Variants in STARD3 observed in about 807,000 individuals in gnomAD.
The protein encoded by STARD3 is StAR related lipid transfer domain containing 3, also known as stAR-related lipid transfer protein 3.
In STARD3, 39 loss-of-function variants were observed where a neutral mutation model predicts 62.0. The ratio of observed to expected loss-of-function variants is 0.63; its 90% confidence interval spans 0.49 to 0.82. STARD3 has a LOEUF of 0.82. STARD3 is among the 40% of genes least tolerant of loss of function. The pLI is 0.00. For missense variants in STARD3, 543 were observed against 584.5 expected (o/e 0.93, Z 0.73); for synonymous variants, 229 against 242.4 (o/e 0.94, Z 0.51).
intron 2 of STARD3, among the ~76,000 whole-genome samples, chr17:39,655,581 A>G (rs1052302411): frequency 6.6e-5 from 10 of 152,226 alleles, no homozygotes; most frequent in African/African-American, 2.4e-4. Flanking sequence ...GAGAAGATCT[A>G]ACTTACTAAT....
chr17:39,639,478 C>A (rs1011614995), intron 1 of STARD3, among the ~76,000 whole-genome samples: 2 of 152,130 alleles, frequency 1.3e-5, no homozygotes, highest in African/African-American at 4.8e-5. Flanking sequence ...GCCTATAAAG[C>A]GATGGGAGGA....
At position 39,659,052 on chromosome 17, in the gene STARD3, G is replaced by T; in HGVS notation, c.648G>T (p.Gly216=). Residue 216 remains glycine, a splice_region_variant and synonymous_variant, in exon 8 of 15, where the codon GGG becomes GGT. Coordinates refer to ENST00000336308, the MANE Select transcript of STARD3 (RefSeq NM_006804.4). ...QFYSPPESFA[G]SDNESDEEVA... is the part of the protein sequence containing the mutation. ...GTCATCTGTGCCTGTTTTCTGCAGG[G>T]TCTGACAATGAATCAGATGAAGAAG... 6.2e-7 allele frequency: 1 copy of T among 1,614,192 alleles called. No individual in the cohort carries two copies. Among genetic ancestry groups the T allele is most frequent in the African/African-American group, 1.3e-5 (1 of 75,038 alleles).
chr17:39,645,157 C>T (rs573203561), intron 1 of STARD3, among the ~76,000 whole-genome samples: 35 of 152,240 alleles, frequency 2.3e-4, no homozygotes, highest in African/African-American at 6.7e-4. Context: ...GCAGAGGGGC[C>T]GGTCTCAAGA....
At chr17:39,654,990 TA>T (rs748236933) in intron 2 of STARD3, among the ~76,000 whole-genome samples, 23 of 152,314 alleles carry the variant, frequency 1.5e-4, no homozygotes, top group Middle Eastern at 6.8e-3. Context: ...TGGATGGCCC[TA>T]GGGGCCATCT....
At chr17:39,658,195 T>A in intron 5 of STARD3, 169 bp downstream of exon 5, 1 of 895,090 alleles carries the variant, frequency 1.1e-6, no homozygotes, top group Non-Finnish European at 1.8e-6. Context: ...CCCGCTTCCC[T>A]GACTTAGCCC....
intron 1 of STARD3, among the ~76,000 whole-genome samples, chr17:39,641,124 C>A (rs1471829330): frequency 4.6e-5 from 7 of 151,312 alleles, no homozygotes; most frequent in Admixed American, 2.0e-4. Context: ...ACTTGGGAAC[C>A]TACTCCCAAG....
chr17:39,649,007 G>A (rs2057052713), intron 1 of STARD3, among the ~76,000 whole-genome samples: 1 of 152,168 alleles, frequency 6.6e-6, no homozygotes, highest in African/African-American at 2.4e-5. Context: ...GGACCAAGGA[G>A]GGAGGGAGGG....
intron 2 of STARD3, among the ~76,000 whole-genome samples, chr17:39,655,842 T>A (rs1307778725): frequency 6.6e-6 from 1 of 152,006 alleles, no homozygotes; most frequent in African/African-American, 2.4e-5. Flanking sequence ...AAGCAGGGGC[T>A]GAGACTTGGC....
At chr17:39,653,795 C>T (rs1284434220) in intron 2 of STARD3, 45 bp downstream of exon 2, 17 of 1,607,188 alleles carry the variant, frequency 1.1e-5, no homozygotes, top group Non-Finnish European at 1.4e-5. Context: ...TGCAGGCCAC[C>T]CGGGCCTCAG....
At chr17:39,653,042 A>C in intron 1 of STARD3, 1 of 174,958 alleles carries the variant, frequency 5.7e-6, no homozygotes, top group Non-Finnish European at 1.2e-5. Context: ...CTGGGAGGGA[A>C]TGTGGCTTTG....
chr17:39,659,998 C>A, intron 9 of STARD3: 2 of 593,850 alleles, frequency 3.4e-6, no homozygotes, highest in Non-Finnish European at 6.0e-6. Flanking sequence ...GCTGTCCCCC[C>A]GTCTTTTAAC....
At position 39,660,667 on chromosome 17, in the gene STARD3, G is replaced by T; in HGVS notation, c.954+141G>T. 1 of 1,349,810 alleles carries T rather than the reference G, an allele frequency of 7.4e-7. No homozygotes were observed. Among genetic ancestry groups the T allele is most frequent in the Non-Finnish European group, 1.0e-6 (1 of 961,102 alleles). 83.6% of individuals were successfully genotyped at this position (1,349,810 alleles called of 1,614,324 possible). ...AACAGTGCCTGCTCGGGAGGGTCGGGAGGAGGGCAGGAGGAGTGCTCATCA... is the reference window on the plus strand; with the variant it reads ...AACAGTGCCTGCTCGGGAGGGTCGGTAGGAGGGCAGGAGGAGTGCTCATCA... On this transcript the variant is annotated intron_variant, in intron 11 of 14. Coordinates refer to ENST00000336308, the MANE Select transcript of STARD3 (RefSeq NM_006804.4). The surrounding 1 kb of genome is among the most constrained non-coding windows in gnomAD (Gnocchi z 4.8).
At chr17:39,650,493 G>A (rs908766019) in intron 1 of STARD3, among the ~76,000 whole-genome samples, 10 of 152,028 alleles carry the variant, frequency 6.6e-5, no homozygotes, top group Non-Finnish European at 1.5e-4. Flanking sequence ...GAGGGAGAGG[G>A]AGACAGCTAA....
chr17:39,659,003 A>C (rs775196090), intron 7 of STARD3, 48 bp from the exon 8 acceptor site: 4 of 1,608,838 alleles, frequency 2.5e-6, no homozygotes, highest in African/African-American at 2.7e-5. Flanking sequence ...ACCTCCCCAC[A>C]CTCTCTCCCC....
intron 13 of STARD3, chr17:39,661,383 C>A (rs900409900): frequency 2.7e-5 from 12 of 443,274 alleles, no homozygotes; most frequent in Non-Finnish European, 4.2e-6. Flanking sequence ...GGCCTGAGAG[C>A]CATGTGCTCA....
At chr17:39,650,282 C>T (rs887360741) in intron 1 of STARD3, among the ~76,000 whole-genome samples, 6 of 152,066 alleles carry the variant, frequency 3.9e-5, no homozygotes, top group African/African-American at 1.2e-4. Flanking sequence ...CATGTGACAG[C>T]GAAGACCGGT....
chr17:39,659,414 A>T, intron 8 of STARD3, 47 bp from the exon 9 acceptor site: 1 of 1,551,666 alleles, frequency 6.4e-7, no homozygotes, highest in South Asian at 1.1e-5. Flanking sequence ...AACATGGTGG[A>T]CTGCAGGCCC....
At chr17:39,649,831 A>G (rs1438156023) in intron 1 of STARD3, among the ~76,000 whole-genome samples, 2 of 143,788 alleles carry the variant, frequency 1.4e-5, no homozygotes, top group Admixed American at 7.4e-5. Context: ...GCGCCACTGC[A>G]CTCCAGCCTG....
chr17:39,653,829 G>A, intron 2 of STARD3, 79 bp downstream of exon 2: 1 of 1,525,908 alleles, frequency 6.6e-7, no homozygotes. Context: ...CACATGGGAG[G>A]GCTGCCTCTC....
Sources: allele counts gnomAD v4.1 joint callset (sites outside exome capture counted in the v4.1 genomes callset), GRCh38; gene constraint gnomAD v4.1.1; non-coding constraint Gnocchi (gnomAD v3.1); transcripts MANE v1.5; gene names NCBI Gene and HGNC (gene_info 2026-07-23, HGNC 2026-07-21).